Variants in DLG2 observed in about 807,000 individuals in gnomAD.
The protein encoded by DLG2 is disks large homolog 2.
A neutral mutation model predicts 132.5 loss-of-function variants in DLG2; 45 were observed. That is an observed-to-expected ratio of 0.34 (90% CI 0.27 to 0.44). The LOEUF (loss-of-function observed/expected upper bound fraction) is 0.44, where lower values mean the gene tolerates loss of function less well. DLG2 is among the 20% of genes least tolerant of loss of function. DLG2 has a pLI of 1.00. For missense variants in DLG2, 1,045 were observed against 1,196.9 expected, an observed-to-expected ratio of 0.87 and a Z score of 1.87; for synonymous variants, 424 against 419.6, an observed-to-expected ratio of 1.01 and a Z score of -0.13.
chr11:83,899,572 C>T (rs2154097467), intron 15 of DLG2, among the ~76,000 whole-genome samples: 1 of 152,278 alleles, frequency 6.6e-6, no homozygotes, highest in South Asian at 2.1e-4. Flanking sequence ...GTGAATAAGT[C>T]TCATGAGATC....
intron 7 of DLG2, among the ~76,000 whole-genome samples, chr11:84,530,953 C>T (rs1465624325): frequency 3.3e-5 from 5 of 151,812 alleles, no homozygotes; most frequent in Admixed American, 2.0e-4. Context: ...ATAAAAACTT[C>T]GGGAGGCCAA....
At chr11:85,407,277 T>C (rs766778423) in intron 3 of DLG2, among the ~76,000 whole-genome samples, 1 of 151,812 alleles carries the variant, frequency 6.6e-6, no homozygotes, top group Non-Finnish European at 1.5e-5. Flanking sequence ...TGTTAAAAGG[T>C]AGTAAAGGCA....
intron 7 of DLG2, among the ~76,000 whole-genome samples, chr11:84,419,228 T>C (rs1238850065): frequency 6.6e-6 from 1 of 152,196 alleles, no homozygotes; most frequent in Non-Finnish European, 1.5e-5. Flanking sequence ...AGATCACTGG[T>C]GCTTAATTAA....
At chr11:83,797,995 G>T (rs377592869) in intron 17 of DLG2, among the ~76,000 whole-genome samples, 6 of 152,330 alleles carry the variant, frequency 3.9e-5, no homozygotes, top group Non-Finnish European at 8.8e-5. Context: ...AGAATGCACA[G>T]GAAGGGAATA....
chr11:85,149,977 C>A (rs887057570), intron 5 of DLG2, among the ~76,000 whole-genome samples: 2 of 143,970 alleles, frequency 1.4e-5, no homozygotes, highest in Non-Finnish European at 3.0e-5. Context: ...ACTTGGCCCT[C>A]TGGGAAGATT....
At chr11:84,826,009 TTTG>T (rs1216177915) in intron 6 of DLG2, among the ~76,000 whole-genome samples, 2 of 151,702 alleles carry the variant, frequency 1.3e-5, no homozygotes, top group Non-Finnish European at 2.9e-5. Context: ...TTTTGGGGGG[TTTG>T]TTGTTGTTTT....
intron 6 of DLG2, among the ~76,000 whole-genome samples, chr11:85,026,353 T>C (rs1250407642): frequency 6.6e-6 from 1 of 151,998 alleles, no homozygotes; most frequent in Non-Finnish European, 1.5e-5. Context: ...CCAACCTCAG[T>C]TATAAGGAAG....
chr11:84,657,827 T>C (rs993512733), intron 6 of DLG2, among the ~76,000 whole-genome samples: 2 of 152,178 alleles, frequency 1.3e-5, no homozygotes, highest in Non-Finnish European at 2.9e-5. Context: ...AGTCAAAATT[T>C]AATATAGTTG....
At chr11:84,649,368 GT>G (rs1350071292) in intron 6 of DLG2, among the ~76,000 whole-genome samples, 1 of 152,142 alleles carries the variant, frequency 6.6e-6, no homozygotes, top group Non-Finnish European at 1.5e-5. Flanking sequence ...GAAAATATTT[GT>G]TTTTATATAA....
In DLG2 at chr11:84,274,045, C is replaced by T. The variant is rs17147124; in HGVS notation, c.520-22754G>A. Among the ~76,000 whole-genome samples, 2,277 of 152,138 alleles carry T rather than the reference C, an allele frequency of 0.015. 205 individuals carry two copies. In the East Asian group the frequency reaches 0.26, roughly 17 times the overall value. On this transcript the variant is annotated intron_variant, in intron 7 of 27. Coordinates refer to ENST00000376104, the MANE Select transcript of DLG2 (RefSeq NM_001142699.3). The stretch of plus-strand genomic sequence containing the variant: ...GGAGAATCGTGTCTTTAAATGTTCT[C>T]GGGAAATGAGAGTAGGCTGGAATGT...
At chr11:84,213,062 G>C (rs748354280) in intron 8 of DLG2, among the ~76,000 whole-genome samples, 4 of 152,166 alleles carry the variant, frequency 2.6e-5, no homozygotes, top group Admixed American at 6.5e-5. Flanking sequence ...CTTTCAGGAG[G>C]AGCTGCTTAC....
intron 15 of DLG2, among the ~76,000 whole-genome samples, chr11:83,909,992 G>A (rs61901830): frequency 0.18 from 27,701 of 152,156 alleles, 3,029 homozygotes; most frequent in Non-Finnish European, 0.25. Context: ...TGAAGATGTG[G>A]GAGATGTGTC....
chr11:84,523,234 G>T (rs189850685), intron 7 of DLG2, among the ~76,000 whole-genome samples: 60 of 152,064 alleles, frequency 3.9e-4, no homozygotes, highest in African/African-American at 1.4e-3. Flanking sequence ...ACTACTAGGC[G>T]CCAAGTACTA....
At chr11:84,484,751 A>G (rs1170426962) in intron 7 of DLG2, among the ~76,000 whole-genome samples, 1 of 152,168 alleles carries the variant, frequency 6.6e-6, no homozygotes, top group Non-Finnish European at 1.5e-5. Context: ...AAGTTCAAAA[A>G]GGAAACTCTC....
chr11:85,433,405 G>C (rs1262670419), intron 3 of DLG2, among the ~76,000 whole-genome samples: 1 of 152,140 alleles, frequency 6.6e-6, no homozygotes, highest in Non-Finnish European at 1.5e-5. Flanking sequence ...CCAGTGTTCT[G>C]TATTCAAGAG....
intron 6 of DLG2, among the ~76,000 whole-genome samples, chr11:84,791,623 T>A (rs2073860534): frequency 6.6e-6 from 1 of 152,178 alleles, no homozygotes; most frequent in African/African-American, 2.4e-5. Context: ...CTTTCATCAG[T>A]GTTTTATACT....
intron 4 of DLG2, among the ~76,000 whole-genome samples, chr11:85,240,962 AT>A (rs1293134011): frequency 6.6e-6 from 1 of 151,770 alleles, no homozygotes; most frequent in African/African-American, 2.4e-5. Flanking sequence ...AACCTGTTAA[AT>A]TTTTTATTAA....
intron 6 of DLG2, among the ~76,000 whole-genome samples, chr11:85,008,579 A>G (rs76608154): frequency 0.014 from 2,104 of 152,250 alleles, 48 homozygotes; most frequent in African/African-American, 0.047. Flanking sequence ...ACTCAATTAA[A>G]AAGTGCACAA....
intron 6 of DLG2, among the ~76,000 whole-genome samples, chr11:84,578,036 T>C (rs1338242285): frequency 6.6e-6 from 1 of 152,158 alleles, no homozygotes; most frequent in East Asian, 1.9e-4. Flanking sequence ...CCCCAAGTCT[T>C]GGAAATTTCC....
Sources: gnomAD v4.1 joint callset for allele counts (sites outside exome capture counted in the v4.1 genomes callset) on GRCh38, gnomAD v4.1.1 for gene constraint, MANE v1.5 for transcripts, NCBI Gene and HGNC (gene_info 2026-07-23, HGNC 2026-07-21) for gene names.